ADCY9: variants seen among roughly 807,000 people sequenced by gnomAD.
ADCY9 encodes the protein adenylate cyclase 9, also known as adenylate cyclase type 9.
ADCY9 carries 50 observed loss-of-function variants against 101.5 expected under a neutral mutation model. That is an observed-to-expected ratio of 0.49 (90% CI 0.39 to 0.62). The LOEUF (loss-of-function observed/expected upper bound fraction) is 0.62. Among genes scored for constraint, ADCY9 ranks in the 20% least tolerant of loss-of-function variants. The pLI, the probability that ADCY9 is intolerant of heterozygous loss-of-function variation, is 0.00. For synonymous variants in ADCY9, 905 were observed against 769.3 expected (o/e 1.18, Z -2.92); for missense variants, 1,662 against 1,800.4 (o/e 0.92, Z 1.39).
intron 2 of ADCY9, among the ~76,000 whole-genome samples, chr16:4,080,981 A>G (rs1467780613): frequency 6.6e-6 from 1 of 152,198 alleles, no homozygotes; most frequent in African/African-American, 2.4e-5. Flanking sequence ...TTCAAAGTTC[A>G]TAAAAACAAG....
chr16:3,976,594 G>A (rs2056094435), intron 9 of ADCY9, among the ~76,000 whole-genome samples: 1 of 152,118 alleles, frequency 6.6e-6, no homozygotes, highest in African/African-American at 2.4e-5. Flanking sequence ...AAAGACCTAT[G>A]TTCAGTGACT....
chr16:3,970,958 G>A (rs2056046336), intron 10 of ADCY9, among the ~76,000 whole-genome samples: 2 of 152,296 alleles, frequency 1.3e-5, no homozygotes, highest in Admixed American at 6.5e-5. Flanking sequence ...GGAAAGACCT[G>A]CCTGCAAAGG....
intron 2 of ADCY9, among the ~76,000 whole-genome samples, chr16:4,047,849 G>A (rs967966213): frequency 2.0e-5 from 3 of 152,212 alleles, no homozygotes; most frequent in South Asian, 2.1e-4. Context: ...GTGAGCCACC[G>A]CATCCGGCCA....
intron 2 of ADCY9, among the ~76,000 whole-genome samples, chr16:4,068,511 C>G (rs889171628): frequency 6.6e-6 from 1 of 152,000 alleles, no homozygotes; most frequent in Non-Finnish European, 1.5e-5. Flanking sequence ...CAGTTGCTTG[C>G]TTTTTTCAAT....
chr16:4,100,918 G>A (rs2057039118), intron 2 of ADCY9, among the ~76,000 whole-genome samples: 1 of 152,164 alleles, frequency 6.6e-6, no homozygotes, highest in Admixed American at 6.5e-5. Context: ...CAGGGTAAAT[G>A]CAGAGAGCTA....
Position 4,114,483 on chromosome 16 carries a change from C to T in ADCY9, c.960G>A (p.Gly320=). The part of the protein sequence containing the change: ...FLKVGQSIMH[G]KDLEVEKALK... ...GGGCTTTTTCCACTTCCAGGTCCTT[C>T]CCGTGCATAATGGATTGCCCCACCT... Residue 320 remains glycine (G), a synonymous_variant, in exon 2 of 11, where the codon GGG becomes GGA. Transcript: ENST00000294016. The surrounding 1 kb of genome is among the most constrained non-coding windows in gnomAD (Gnocchi z 4.3). 1 of 1,614,172 alleles carries T rather than the reference C, an allele frequency of 6.2e-7. No individual in the cohort carries two copies. The highest frequency in any genetic ancestry group is 1.6e-4 in the Middle Eastern group (1 of 6,062).
At chr16:4,011,193 A>C (rs780898429) in intron 2 of ADCY9, among the ~76,000 whole-genome samples, 12 of 152,092 alleles carry the variant, frequency 7.9e-5, no homozygotes, top group Non-Finnish European at 1.5e-4. Context: ...GGGTTACTAG[A>C]ACAGGTCATG....
chr16:4,028,687 T>C (rs925490165), intron 2 of ADCY9, among the ~76,000 whole-genome samples: 7 of 152,236 alleles, frequency 4.6e-5, no homozygotes, highest in Admixed American at 3.9e-4. Flanking sequence ...AAAAATAAAA[T>C]TGTATACTTT....
intron 2 of ADCY9, among the ~76,000 whole-genome samples, chr16:4,109,881 C>T (rs571811620): frequency 1.7e-4 from 26 of 152,316 alleles, no homozygotes; most frequent in Middle Eastern, 3.4e-3. Context: ...GAGTGGTTCC[C>T]TGACACCTAT....
intron 3 of ADCY9, among the ~76,000 whole-genome samples, chr16:4,001,008 C>CACACACACACACACACACACAT (rs3222326): frequency 3.7e-5 from 5 of 135,730 alleles, no homozygotes; most frequent in Non-Finnish European, 8.6e-5. Context: ...CACACACACA[C>CACACACACACACACACACACAT]ATATATAATT....
In ADCY9 at chr16:4,083,555, C is replaced by G. The variant is rs1260686873; in HGVS notation, c.1693+30195G>C. The stretch of plus-strand genomic sequence containing the variant: ...ATATGTCCACAGGAAAACGTGTCTG[C>G]CAACATTCATAGAAACACTATTCAT... On this transcript the variant is annotated intron_variant, in intron 2 of 10. Coordinates refer to ENST00000294016, the MANE Select transcript of ADCY9 (RefSeq NM_001116.4). 2.0e-5 allele frequency among the ~76,000 whole-genome samples: 3 copies of G among 152,186 alleles called. 1 individual carries two copies. Among genetic ancestry groups the G allele is most frequent in the Non-Finnish European group, 4.4e-5 (3 of 68,040 alleles).
intron 2 of ADCY9, among the ~76,000 whole-genome samples, chr16:4,048,352 T>C (rs576340938): frequency 9.9e-5 from 15 of 152,248 alleles, no homozygotes; most frequent in Non-Finnish European, 1.9e-4. Context: ...TGAAAAATCA[T>C]TCTAAATTAG....
intron 2 of ADCY9, among the ~76,000 whole-genome samples, chr16:4,101,760 C>T (rs2057044842): frequency 6.6e-6 from 1 of 152,166 alleles, no homozygotes; most frequent in Non-Finnish European, 1.5e-5. Context: ...AAAAACCACT[C>T]TAGTTCAAAC....
chr16:4,066,266 CT>C (rs1476241719), intron 2 of ADCY9, among the ~76,000 whole-genome samples: 1 of 152,196 alleles, frequency 6.6e-6, no homozygotes, highest in Non-Finnish European at 1.5e-5. Flanking sequence ...CTCCACAAAT[CT>C]TTTCTCTCTA....
intron 2 of ADCY9, among the ~76,000 whole-genome samples, chr16:4,108,685 C>T (rs1461873035): frequency 7.4e-6 from 1 of 135,870 alleles, no homozygotes; most frequent in Non-Finnish European, 1.6e-5. Flanking sequence ...TTCTCCATAT[C>T]TTTAATAACT....
chr16:3,959,682 T>C (rs536117526), downstream of ADCY9, among the ~76,000 whole-genome samples: 500 of 152,328 alleles, frequency 3.3e-3, 2 homozygotes, highest in African/African-American at 0.01. Context: ...TCTTCAAATA[T>C]ATTTAGATAA....
intron 3 of ADCY9, among the ~76,000 whole-genome samples, chr16:3,998,112 T>A (rs1236953449): frequency 6.6e-6 from 1 of 152,012 alleles, no homozygotes; most frequent in Non-Finnish European, 1.5e-5. Context: ...TTTTGAGGGA[T>A]AATTTTCTAG....
intron 6 of ADCY9, among the ~76,000 whole-genome samples, chr16:3,985,553 G>A (rs1362389919): frequency 1.3e-5 from 2 of 152,118 alleles, no homozygotes; most frequent in Non-Finnish European, 2.9e-5. Context: ...AGTCAGGGCC[G>A]GGTGCATGCA....
intron 2 of ADCY9, among the ~76,000 whole-genome samples, chr16:4,074,219 A>G (rs1197638848): frequency 6.6e-6 from 1 of 152,072 alleles, no homozygotes; most frequent in African/African-American, 2.4e-5. Flanking sequence ...CAAGGTTCTC[A>G]TAGAACCTTG....
Sources: gnomAD v4.1 joint callset for allele counts (sites outside exome capture counted in the v4.1 genomes callset) on GRCh38, gnomAD v4.1.1 for gene constraint, Gnocchi (gnomAD v3.1) non-coding constraint, MANE v1.5 for transcripts, NCBI Gene and HGNC (gene_info 2026-07-23, HGNC 2026-07-21) for gene names.